The following SLC8A1 variants were observed in gnomAD, a reference collection of about 807,000 sequenced individuals.
SLC8A1 encodes the protein solute carrier family 8 member A1, also known as sodium/calcium exchanger 1.
SLC8A1 carries 18 observed loss-of-function variants against 68.3 expected under a neutral mutation model. That is an observed-to-expected ratio of 0.26 (90% CI 0.18 to 0.39). The LOEUF (loss-of-function observed/expected upper bound fraction) is 0.39, where lower values mean the gene tolerates loss of function less well. SLC8A1 is among the 10% of genes least tolerant of loss of function. SLC8A1 has a pLI of 1.00. For synonymous variants in SLC8A1, 475 were observed against 415.5 expected (o/e 1.14, Z -1.74); for missense variants, 985 against 1,156.7 (o/e 0.85, Z 2.15).
chr2:40,234,949 C>T (rs1460477084), intron 2 of SLC8A1, among the ~76,000 whole-genome samples: 1 of 152,066 alleles, frequency 6.6e-6, no homozygotes, highest in Non-Finnish European at 1.5e-5. Context: ...AGGGATGAAG[C>T]CCACTTGATC....
intron 4 of SLC8A1, among the ~76,000 whole-genome samples, chr2:40,168,520 G>A (rs1328696025): frequency 6.6e-6 from 1 of 152,144 alleles, no homozygotes; most frequent in Non-Finnish European, 1.5e-5. Flanking sequence ...CAGTTATACT[G>A]ATAAATTCAC....
At chr2:40,126,215 C>A (rs1219254387) in intron 7 of SLC8A1, among the ~76,000 whole-genome samples, 2 of 152,150 alleles carry the variant, frequency 1.3e-5, no homozygotes, top group East Asian at 3.8e-4. Context: ...CGCTGACTAA[C>A]TCTCAGGGCT....
chr2:40,463,755 T>C (rs2149895759), intron 1 of SLC8A1, among the ~76,000 whole-genome samples: 1 of 151,858 alleles, frequency 6.6e-6, no homozygotes, highest in East Asian at 1.9e-4. Context: ...CCATATCCCT[T>C]CTTGATATGC....
intron 2 of SLC8A1, among the ~76,000 whole-genome samples, chr2:40,248,405 C>T (rs1223751580): frequency 2.0e-5 from 3 of 151,978 alleles, no homozygotes; most frequent in African/African-American, 2.4e-5. Flanking sequence ...TAAAAGAGGC[C>T]CTGGACATCT....
In SLC8A1 at chr2:40,263,507, A is replaced by G. The variant is rs535435782; in HGVS notation, c.1809-85652T>C. Among the ~76,000 whole-genome samples, 169 of 152,310 alleles carry G rather than the reference A, an allele frequency of 1.1e-3. 2 individuals are homozygous for G. Among genetic ancestry groups the G allele is most frequent in the African/African-American group, 3.8e-3 (160 of 41,576 alleles). On this transcript the variant is annotated intron_variant, in intron 2 of 7. Coordinates refer to ENST00000406785, the Ensembl canonical transcript of SLC8A1. ...ATGGTACTGGTACCAAAACAGAGAT[A>G]TAGACCAATGGAACAGAACAGAGCC...
chr2:40,336,666 A>C (rs1472922695), intron 2 of SLC8A1, among the ~76,000 whole-genome samples: 1 of 152,188 alleles, frequency 6.6e-6, no homozygotes, highest in African/African-American at 2.4e-5. Context: ...ATAGACTGTT[A>C]AGTTCACTTT....
At position 40,194,454 on chromosome 2, in the gene SLC8A1, G is replaced by A. The variant is rs931307958; in HGVS notation, c.1809-16599C>T. ...GCGATCACTAAGAAAAATGACTCAG[G>A]TTACTCAGTAAGCAATGTGTGTGTG... On this transcript the variant is annotated intron_variant, in intron 2 of 7. Coordinates refer to ENST00000406785, the Ensembl canonical transcript of SLC8A1. Among the ~76,000 whole-genome samples the A allele has an allele frequency of 4.7e-5, 7 of 148,044 alleles. No individual in the cohort carries two copies. The South Asian group carries it at 1.5e-3, about 32-fold the overall frequency.
intron 7 of SLC8A1, among the ~76,000 whole-genome samples, chr2:40,131,715 C>T (rs907740408): frequency 6.6e-6 from 1 of 152,160 alleles, no homozygotes; most frequent in Non-Finnish European, 1.5e-5. Flanking sequence ...CTCAACATGC[C>T]CTTCCTGGGC....
chr2:40,309,889 A>G (rs747681434), intron 2 of SLC8A1, among the ~76,000 whole-genome samples: 9 of 152,192 alleles, frequency 5.9e-5, no homozygotes, highest in Non-Finnish European at 1.2e-4. Context: ...TAGTATATTC[A>G]TAAGGTTGTG....
rs574565686 is a variant in SLC8A1, at chr2:40,243,698, C to T, written c.1809-65843G>A. Reference sequence around the variant, plus strand: ...ACTGTGTATTTTTGGAAGGGTATTGCATTTTTCCTTTGTGGTGGATTGGTC... The same window carrying T: ...ACTGTGTATTTTTGGAAGGGTATTGTATTTTTCCTTTGTGGTGGATTGGTC... On this transcript the variant is annotated intron_variant, in intron 2 of 7. Transcript: ENST00000406785. Among the ~76,000 whole-genome samples, 94 of 152,246 alleles carry T rather than the reference C, an allele frequency of 6.2e-4. 1 individual carries two copies. The highest frequency in any genetic ancestry group is 1.8e-3 in the African/African-American group (73 of 41,554).
At chr2:40,457,667 C>A (rs1703102115) in intron 1 of SLC8A1, among the ~76,000 whole-genome samples, 1 of 152,152 alleles carries the variant, frequency 6.6e-6, no homozygotes, top group African/African-American at 2.4e-5. Flanking sequence ...TAATCACAAA[C>A]AAGTAATACT....
chr2:40,512,084 A>G (rs1706769501), intron 1 of SLC8A1, among the ~76,000 whole-genome samples: 1 of 152,144 alleles, frequency 6.6e-6, no homozygotes, highest in Non-Finnish European at 1.5e-5. Context: ...CAAAATTCCA[A>G]ATGGTAAGTG....
At chr2:40,434,543 A>G (rs1030179912) in intron 1 of SLC8A1, among the ~76,000 whole-genome samples, 4 of 152,142 alleles carry the variant, frequency 2.6e-5, no homozygotes, top group East Asian at 3.9e-4. Context: ...AAGCAGAAAG[A>G]TAAGAATAGA....
chr2:40,388,129 G>A (rs1025300810), intron 2 of SLC8A1, among the ~76,000 whole-genome samples: 3 of 151,952 alleles, frequency 2.0e-5, no homozygotes, highest in East Asian at 1.9e-4. Context: ...ATAAACAAAT[G>A]TTTATGCCAC....
At chr2:40,177,503 T>C (rs1231416307) in intron 3 of SLC8A1, among the ~76,000 whole-genome samples, 1 of 152,234 alleles carries the variant, frequency 6.6e-6, no homozygotes, top group Non-Finnish European at 1.5e-5. Flanking sequence ...ATTTCTGAAT[T>C]ACAGAAATCC....
At chr2:40,225,050 A>T (rs1205867807) in intron 2 of SLC8A1, among the ~76,000 whole-genome samples, 1 of 152,112 alleles carries the variant, frequency 6.6e-6, no homozygotes, top group Non-Finnish European at 1.5e-5. Context: ...ATTTAAGACA[A>T]CAGCTTCCCT....
intron 2 of SLC8A1, 46 bp from the exon 3 acceptor site, chr2:40,178,539 G>A: frequency 6.7e-7 from 1 of 1,490,994 alleles, no homozygotes; most frequent in Non-Finnish European, 9.3e-7. Flanking sequence ...AGAGGAAAGA[G>A]AAGAGAAGGA....
At chr2:40,416,415 T>G (rs1173349049) in intron 2 of SLC8A1, among the ~76,000 whole-genome samples, 1 of 152,164 alleles carries the variant, frequency 6.6e-6, no homozygotes. Flanking sequence ...ATGTTTCTTT[T>G]TGGCAAATAA....
At position 40,282,764 on chromosome 2, in the gene SLC8A1, G is replaced by A. The variant is rs913148347; in HGVS notation, c.1809-104909C>T. Among the ~76,000 whole-genome samples, 7 of 152,122 alleles carry A rather than the reference G, an allele frequency of 4.6e-5. No homozygotes were observed. In the East Asian group the frequency reaches 1.4e-3, roughly 29 times the overall value. On this transcript the variant is annotated intron_variant, in intron 2 of 7. Transcript: ENST00000406785. Reference sequence around the variant, plus strand: ...CTGTGTCCAGTCCTGCCCAGTAACAGAGAACAGCTATTAAAAGTATCCAAA... The same window carrying A: ...CTGTGTCCAGTCCTGCCCAGTAACAAAGAACAGCTATTAAAAGTATCCAAA...
Sources: gnomAD v4.1 joint callset for allele counts (sites outside exome capture counted in the v4.1 genomes callset) on GRCh38, gnomAD v4.1.1 for gene constraint, MANE v1.5 for transcripts, NCBI Gene and HGNC (gene_info 2026-07-23, HGNC 2026-07-21) for gene names.